The following PBX3 variants were observed in gnomAD, a reference collection of about 807,000 sequenced individuals.
The protein encoded by PBX3 is pre-B-cell leukemia transcription factor 3.
A neutral mutation model predicts 48.5 loss-of-function variants in PBX3; 14 were observed. The ratio of observed to expected loss-of-function variants is 0.29; its 90% CI spans 0.19 to 0.45. PBX3 has a LOEUF of 0.45. Ranked by LOEUF, PBX3 falls within the 20% of genes least tolerant of loss-of-function variation. PBX3 has a pLI of 1.00. For synonymous variants in PBX3, 210 were observed against 200.3 expected (o/e 1.05, Z -0.41); for missense variants, 386 against 546.7 (o/e 0.71, Z 2.93).
chr9:125,928,622 C>A (rs1011593239), intron 3 of PBX3, among the ~76,000 whole-genome samples: 4 of 151,944 alleles, frequency 2.6e-5, no homozygotes, highest in Admixed American at 6.6e-5. Flanking sequence ...CCCGCCACCA[C>A]GGTGGGCTAA....
chr9:125,908,148 A>C (rs1388636101), intron 2 of PBX3, among the ~76,000 whole-genome samples: 2 of 152,160 alleles, frequency 1.3e-5, no homozygotes, highest in Non-Finnish European at 2.9e-5. Context: ...CAAAGACAGA[A>C]AACATTTGCT....
intron 2 of PBX3, among the ~76,000 whole-genome samples, chr9:125,901,724 AATGTT>A (rs1840950156): frequency 1.3e-5 from 2 of 151,554 alleles, no homozygotes; most frequent in East Asian, 3.9e-4. Context: ...AGTTTCAAAG[AATGTT>A]ACCAAACAAC....
chr9:125,801,690 A>G lies in PBX3; in HGVS notation c.274+53067A>G, dbSNP rs557333983. 6.6e-5 allele frequency among the ~76,000 whole-genome samples: 10 copies of G among 152,170 alleles called. No homozygotes were observed. The Middle Eastern group carries it at 0.01, about 155-fold the overall frequency. On this transcript the variant is annotated intron_variant, in intron 2 of 8. Coordinates refer to ENST00000373489, the MANE Select transcript of PBX3 (RefSeq NM_006195.6). ...CCATCTTTTTGTATTTGAAACTGGT[A>G]AATTCTCCAGCATTTCCCGTCATAG...
chr9:125,769,270 T>G (rs1453293916), intron 2 of PBX3, among the ~76,000 whole-genome samples: 3 of 152,188 alleles, frequency 2.0e-5, no homozygotes, highest in Non-Finnish European at 4.4e-5. Flanking sequence ...CCACCTTTGC[T>G]TTGTGCACCA....
At chr9:125,948,391 T>G (rs571268719) in intron 5 of PBX3, among the ~76,000 whole-genome samples, 1 of 152,236 alleles carries the variant, frequency 6.6e-6, no homozygotes, top group East Asian at 1.9e-4. Flanking sequence ...TAAAACAGAG[T>G]ATGTTTTCTG....
chr9:125,859,249 C>G (rs573999118), intron 2 of PBX3, among the ~76,000 whole-genome samples: 1 of 152,304 alleles, frequency 6.6e-6, no homozygotes, highest in African/African-American at 2.4e-5. Context: ...TAAAGTCGGT[C>G]TTCCCTGTTA....
intron 2 of PBX3, among the ~76,000 whole-genome samples, chr9:125,812,542 TC>T (rs1365041971): frequency 2.6e-5 from 4 of 152,232 alleles, no homozygotes; most frequent in Non-Finnish European, 5.9e-5. Context: ...AGACTCAAAA[TC>T]TCTTTATTGA....
intron 2 of PBX3, among the ~76,000 whole-genome samples, chr9:125,867,553 T>A (rs1840012063): frequency 6.8e-6 from 1 of 147,318 alleles, no homozygotes; most frequent in Admixed American, 6.9e-5. Flanking sequence ...GGCAGGAGAA[T>A]CACTTGAATG....
intron 2 of PBX3, among the ~76,000 whole-genome samples, chr9:125,784,993 G>T (rs117858303): frequency 6.6e-6 from 1 of 152,224 alleles, no homozygotes; most frequent in East Asian, 1.9e-4. Context: ...TTCTCCCTTC[G>T]CTAGCCTTTT....
chr9:125,851,493 G>C (rs931692586), intron 2 of PBX3, among the ~76,000 whole-genome samples: 2 of 152,072 alleles, frequency 1.3e-5, no homozygotes, highest in African/African-American at 4.8e-5. Context: ...GCCATTAGGA[G>C]ATATTTTATA....
At chr9:125,885,654 A>C (rs1840482018) in intron 2 of PBX3, among the ~76,000 whole-genome samples, 1 of 152,104 alleles carries the variant, frequency 6.6e-6, no homozygotes, top group Non-Finnish European at 1.5e-5. Context: ...TTTAGAAGAG[A>C]GAATGTTCTC....
intron 4 of PBX3, among the ~76,000 whole-genome samples, chr9:125,930,115 T>A (rs1449418917): frequency 6.6e-6 from 1 of 152,222 alleles, no homozygotes; most frequent in Non-Finnish European, 1.5e-5. Context: ...GCCTTTCCAT[T>A]CTGATGCTAA....
At chr9:125,853,845 A>G (rs1564140170) in intron 2 of PBX3, among the ~76,000 whole-genome samples, 2 of 152,220 alleles carry the variant, frequency 1.3e-5, no homozygotes, top group Non-Finnish European at 2.9e-5. Flanking sequence ...CTTAAAATAA[A>G]ACCCAAGTAA....
intron 3 of PBX3, among the ~76,000 whole-genome samples, chr9:125,919,411 A>G (rs1841408505): frequency 8.1e-6 from 1 of 123,970 alleles, no homozygotes; most frequent in Non-Finnish European, 1.6e-5. Flanking sequence ...GGGTTTCACT[A>G]TCTTGGCCAG....
intron 3 of PBX3, among the ~76,000 whole-genome samples, chr9:125,919,564 A>G (rs1001480179): frequency 3.9e-5 from 6 of 152,134 alleles, no homozygotes; most frequent in African/African-American, 1.4e-4. Context: ...AAAAGTGAAC[A>G]TGGGTACTCT....
At chr9:125,832,301 T>C (rs1838985188) in intron 2 of PBX3, among the ~76,000 whole-genome samples, 1 of 152,026 alleles carries the variant, frequency 6.6e-6, no homozygotes, top group Non-Finnish European at 1.5e-5. Context: ...GTTCATGCCA[T>C]TCTCCTGCCT....
chr9:125,878,522 G>C (rs147024690), intron 2 of PBX3, among the ~76,000 whole-genome samples: 2 of 152,304 alleles, frequency 1.3e-5, no homozygotes, highest in East Asian at 3.9e-4. Flanking sequence ...TGAACTGCAG[G>C]AGGTAGCCAG....
intron 2 of PBX3, among the ~76,000 whole-genome samples, chr9:125,807,559 C>A (rs1256076264): frequency 2.0e-5 from 3 of 152,088 alleles, no homozygotes; most frequent in African/African-American, 7.2e-5. Flanking sequence ...ATTCCTAACC[C>A]CTCTAACTTG....
intron 2 of PBX3, among the ~76,000 whole-genome samples, chr9:125,754,945 G>A (rs1404233695): frequency 6.6e-6 from 1 of 152,040 alleles, no homozygotes; most frequent in Non-Finnish European, 1.5e-5. Context: ...CTTTAAAAAT[G>A]TTAAGCTGTT....
Sources: gnomAD v4.1 joint callset for allele counts (sites outside exome capture counted in the v4.1 genomes callset) on GRCh38, gnomAD v4.1.1 for gene constraint, MANE v1.5 for transcripts, NCBI Gene and HGNC (gene_info 2026-07-23, HGNC 2026-07-21) for gene names.